Variants in TCF7 observed in about 807,000 individuals in gnomAD.
TCF7 encodes the protein transcription factor 7.
Under a neutral mutation model 46.8 loss-of-function variants are expected in TCF7, and 19 were observed. The observed-to-expected ratio is 0.41, with a 90% CI of 0.28 to 0.60. TCF7 has a LOEUF of 0.60. TCF7 is among the 20% of genes least tolerant of loss of function. TCF7 has a pLI of 0.35. For synonymous variants in TCF7, 245 were observed against 213.4 expected (o/e 1.15, Z -1.29); for missense variants, 547 against 504.6 (o/e 1.08, Z -0.81).
At chr5:134,144,939 G>A in intron 9 of TCF7, 1 of 1,394,784 alleles carries the variant, frequency 7.2e-7, no homozygotes, top group Middle Eastern at 1.8e-4. Context: ...ATGTTCCACT[G>A]GGCCTGCAGC....
chr5:134,146,056 G>A (rs1045311786), intron 9 of TCF7, 168 bp from the exon 10 acceptor site: 1 of 1,563,428 alleles, frequency 6.4e-7, no homozygotes, highest in Non-Finnish European at 8.6e-7. Context: ...CCTAGGTCTG[G>A]GCCAGACCAA....
Position 134,114,916 on chromosome 5 carries a change from C to G in TCF7, c.10C>G (p.Leu4Val), listed in dbSNP as rs1755586834. The G allele has an allele frequency of 2.9e-6, 3 of 1,043,316 alleles. No individual in the cohort carries two copies. Among genetic ancestry groups the G allele is most frequent in the Non-Finnish European group, 3.5e-6 (3 of 863,732 alleles). The allele number at this position is 1,043,316 out of a possible 1,614,324, so 64.6% of individuals were successfully genotyped here. A position where few individuals can be genotyped will look rare whatever the true frequency, so the allele number is the denominator to read the frequency against. ...GCGGGCGGAGCGCACCATGCCGCAG[C>G]TGGACTCCGGCGGGGGCGGCGCGGG... MPQ[L>V]DSGGGGAGGG... Residue 4 changes from leucine (L) to valine (V), a missense_variant, in exon 1 of 10, where the codon CTG becomes GTG. Physicochemically the swap from Leu to Val is conservative, Grantham distance 32. Coordinates refer to ENST00000342854, the MANE Select transcript of TCF7 (RefSeq NM_003202.5).
chr5:134,116,377 T>G (rs1366293711), intron 3 of TCF7, among the ~76,000 whole-genome samples: 2 of 152,270 alleles, frequency 1.3e-5, no homozygotes, highest in Non-Finnish European at 2.9e-5. Context: ...TGCTCTGATC[T>G]GAGCTCAGAG....
At chr5:134,132,272 A>T (rs2149320073) in intron 3 of TCF7, among the ~76,000 whole-genome samples, 1 of 152,358 alleles carries the variant, frequency 6.6e-6, no homozygotes, top group Non-Finnish European at 1.5e-5. Flanking sequence ...CACGGTGCTC[A>T]GAACTCTGCC....
At chr5:134,131,069 A>T (rs1758052671) in intron 3 of TCF7, among the ~76,000 whole-genome samples, 1 of 152,152 alleles carries the variant, frequency 6.6e-6, no homozygotes, top group Admixed American at 6.5e-5. Flanking sequence ...GTCCTGAAAG[A>T]TGGATAGGAG....
At chr5:134,114,219 C>T (rs1755483240), upstream of TCF7, among the ~76,000 whole-genome samples, 1 of 152,174 alleles carries the variant, frequency 6.6e-6, no homozygotes, top group Non-Finnish European at 1.5e-5. Flanking sequence ...AACAGCGCCG[C>T]GGAGTTCCAA....
chr5:134,108,533 G>C, the TCF7 span, among the ~76,000 whole-genome samples: 1 of 152,194 alleles, frequency 6.6e-6, no homozygotes, highest in Non-Finnish European at 1.5e-5. Flanking sequence ...TCCTGGGCTG[G>C]AGAGGGGTGA....
At chr5:134,137,362 G>A (rs1333286552) in intron 3 of TCF7, among the ~76,000 whole-genome samples, 1 of 148,772 alleles carries the variant, frequency 6.7e-6, no homozygotes, top group Non-Finnish European at 1.5e-5. Context: ...GGAGGCGGAG[G>A]TTGCAGTGAG....
intron 3 of TCF7, chr5:134,123,771 TACCC>T: frequency 2.2e-6 from 1 of 456,222 alleles, no homozygotes; most frequent in Non-Finnish European, 4.4e-6. Flanking sequence ...GGCAAGGCGG[TACCC>T]ACCCACAGAT....
the TCF7 span, among the ~76,000 whole-genome samples, chr5:134,109,272 TA>T: frequency 2.6e-5 from 4 of 152,202 alleles, no homozygotes; most frequent in Non-Finnish European, 5.9e-5. Context: ...TCTTTCTCAA[TA>T]AGACATTCCT....
Position 134,138,118 on chromosome 5 carries a change from C to T in TCF7, c.501C>T (p.Asn167=), listed in dbSNP as rs142489265. The T allele has an allele frequency of 1.2e-5, 20 of 1,613,192 alleles. No homozygotes were observed. Among genetic ancestry groups the T allele is most frequent in the East Asian group, 4.5e-5 (2 of 44,818 alleles). The change falls in exon 4 of 10, where the codon AAC becomes AAT. Residue 167 remains asparagine (N), a synonymous_variant. Coordinates refer to ENST00000342854, the MANE Select transcript of TCF7 (RefSeq NM_003202.5). ...AACTCTCTCTCTACGAACATTTCAACAGCCCACATCCCACCCCTGCACCTG... is the reference window on the plus strand; with the variant it reads ...AACTCTCTCTCTACGAACATTTCAATAGCCCACATCCCACCCCTGCACCTG... ...VPQLSLYEHF[N]SPHPTPAPAD...
At chr5:134,109,341 T>C in the TCF7 span, among the ~76,000 whole-genome samples, 1 of 152,168 alleles carries the variant, frequency 6.6e-6, no homozygotes, top group Non-Finnish European at 1.5e-5. Context: ...GCAGGCGTAT[T>C]CCTCTGTGAA....
chr5:134,124,570 G>C (rs555787412), intron 3 of TCF7, among the ~76,000 whole-genome samples: 70 of 152,224 alleles, frequency 4.6e-4, no homozygotes, highest in Admixed American at 7.8e-4. Flanking sequence ...GCAAGCCTGG[G>C]GACACAAAGC....
At chr5:134,132,130 G>T (rs370027762) in intron 3 of TCF7, among the ~76,000 whole-genome samples, 7 of 152,202 alleles carry the variant, frequency 4.6e-5, no homozygotes, top group African/African-American at 1.7e-4. Flanking sequence ...TTGCAGTGTC[G>T]TGGGTGTCAT....
At chr5:134,122,749 T>G (rs1199543109) in intron 3 of TCF7, among the ~76,000 whole-genome samples, 1 of 152,220 alleles carries the variant, frequency 6.6e-6, no homozygotes, top group Non-Finnish European at 1.5e-5. Flanking sequence ...TGACTGGTGC[T>G]TCCTGCTGCT....
intron 4 of TCF7, 182 bp from the exon 5 acceptor site, chr5:134,138,769 T>A (rs1161079395): frequency 4.1e-6 from 4 of 972,094 alleles, no homozygotes; most frequent in Non-Finnish European, 4.4e-6. Context: ...CTGGGTTCCC[T>A]TGTCTGTCAA....
At chr5:134,142,683 C>CG (rs750892376) in intron 6 of TCF7, 38 bp from the exon 7 acceptor site, 2 of 1,607,810 alleles carry the variant, frequency 1.2e-6, no homozygotes, top group Non-Finnish European at 1.7e-6. Flanking sequence ...GGTGGGCACT[C>CG]GGGGGGCTCC....
upstream of TCF7, among the ~76,000 whole-genome samples, chr5:134,109,913 G>A (rs956336555): frequency 6.6e-6 from 1 of 152,144 alleles, no homozygotes. Flanking sequence ...TGGCACTCCC[G>A]ACCCCTTGGA....
At position 134,146,886 on chromosome 5, in the gene TCF7, C is replaced by T. The variant is rs985585307; in HGVS notation, c.*583C>T. On this transcript the variant is annotated 3_prime_UTR_variant, in exon 10 of 10. Coordinates refer to ENST00000342854, the MANE Select transcript of TCF7 (RefSeq NM_003202.5). Reference sequence around the variant, plus strand: ...AGCTACCTTCTCTACCCATCTCCCCCATCCCCCACTGCCACACCCTCCCCA... The same window carrying T: ...AGCTACCTTCTCTACCCATCTCCCCTATCCCCCACTGCCACACCCTCCCCA... 6 of 292,768 alleles carry T rather than the reference C, an allele frequency of 2.0e-5. No homozygotes were observed. The highest frequency in any genetic ancestry group is 2.6e-5 in the Non-Finnish European group (4 of 155,956). The allele number at this position is 292,768 out of a possible 1,614,324, so 18.1% of individuals were successfully genotyped here. A position where few individuals can be genotyped will look rare whatever the true frequency, so the allele number is the denominator to read the frequency against.
Sources: allele counts gnomAD v4.1 joint callset (sites outside exome capture counted in the v4.1 genomes callset), GRCh38; gene constraint gnomAD v4.1.1; transcripts MANE v1.5; gene names NCBI Gene and HGNC (gene_info 2026-07-23, HGNC 2026-07-21).